ZC3H12B: variants seen among roughly 807,000 people sequenced by gnomAD.
ZC3H12B encodes probable ribonuclease ZC3H12B.
A neutral mutation model predicts 43.9 loss-of-function variants in ZC3H12B; 7 were observed. That is an observed-to-expected ratio of 0.16 (90% CI 0.09 to 0.30). The LOEUF (loss-of-function observed/expected upper bound fraction) is 0.30. ZC3H12B is among the 10% of genes least tolerant of loss of function. The probability of loss-of-function intolerance (pLI) is 1.00; values close to 1 mark genes in which losing one functional copy is unlikely to be tolerated. For synonymous variants in ZC3H12B, 222 were observed against 241.7 expected (o/e 0.92, Z 0.76); for missense variants, 475 against 670.2 (o/e 0.71, Z 3.22).
chrX:65,316,066 A>G, the ZC3H12B span, among the ~76,000 whole-genome samples: 1 of 111,902 alleles, frequency 8.9e-6, no homozygotes, highest in African/African-American at 3.2e-5. Context: ...AGCTGAGTAA[A>G]GAATCTCAGA....
chrX:65,221,346 G>A, the ZC3H12B span, among the ~76,000 whole-genome samples: 1 of 111,252 alleles, frequency 9.0e-6, no homozygotes, highest in African/African-American at 3.2e-5. Flanking sequence ...TAAGATTAGA[G>A]CCGAACTAAG....
chrX:65,451,172 A>G (rs1401259830), intron 3 of ZC3H12B, among the ~76,000 whole-genome samples: 1 of 110,124 alleles, frequency 9.1e-6, no homozygotes, highest in Admixed American at 9.8e-5. Context: ...CTGGTCTTGA[A>G]CTTCTGACCT....
chrX:65,169,417 G>C, the ZC3H12B span, among the ~76,000 whole-genome samples: 6 of 111,759 alleles, frequency 5.4e-5, no homozygotes, highest in Non-Finnish European at 1.1e-4. Context: ...TATAATTTCT[G>C]TTATTTTACA....
the ZC3H12B span, among the ~76,000 whole-genome samples, chrX:65,321,912 G>A: frequency 1.8e-5 from 2 of 110,689 alleles, no homozygotes; most frequent in Non-Finnish European, 3.8e-5. Context: ...AGGGAGGAAG[G>A]AGAGAGGTGA....
At chrX:65,207,385 G>T in the ZC3H12B span, among the ~76,000 whole-genome samples, 3 of 110,198 alleles carry the variant, frequency 2.7e-5, no homozygotes, top group Non-Finnish European at 3.8e-5. Context: ...ACTCTGAAAT[G>T]GAAAACCAAA....
the ZC3H12B span, among the ~76,000 whole-genome samples, chrX:65,190,200 G>A: frequency 1.4e-4 from 16 of 110,417 alleles, no homozygotes; most frequent in East Asian, 3.7e-3. Flanking sequence ...GGTTACTGTA[G>A]CCTTGTAGTA....
the ZC3H12B span, among the ~76,000 whole-genome samples, chrX:65,091,240 C>T: frequency 1.8e-5 from 2 of 111,802 alleles, no homozygotes; most frequent in Non-Finnish European, 3.8e-5. Flanking sequence ...AGATATGATA[C>T]TGATGGCTTT....
the ZC3H12B span, among the ~76,000 whole-genome samples, chrX:65,103,364 C>G: frequency 8.9e-6 from 1 of 111,888 alleles, no homozygotes; most frequent in African/African-American, 3.2e-5. Context: ...TGGTCAGCTC[C>G]CTTGTTTCCT....
At chrX:65,320,503 A>G in the ZC3H12B span, among the ~76,000 whole-genome samples, 1 of 112,092 alleles carries the variant, frequency 8.9e-6, no homozygotes, top group African/African-American at 3.2e-5. Context: ...TGCTATTCCA[A>G]TTAAACTTAC....
chrX:65,279,718 T>C, the ZC3H12B span, among the ~76,000 whole-genome samples: 1 of 112,046 alleles, frequency 8.9e-6, no homozygotes, highest in Non-Finnish European at 1.9e-5. Context: ...AAAATAGACA[T>C]GTGGAATCTA....
At chrX:65,353,182 T>C in the ZC3H12B span, among the ~76,000 whole-genome samples, 1 of 111,373 alleles carries the variant, frequency 9.0e-6, no homozygotes, top group Non-Finnish European at 1.9e-5. Flanking sequence ...GATATTACAA[T>C]TGCTATTGTT....
chrX:65,233,880 A>C, the ZC3H12B span, among the ~76,000 whole-genome samples: 1 of 111,757 alleles, frequency 8.9e-6, no homozygotes, highest in African/African-American at 3.3e-5. Context: ...GAGAGACAAA[A>C]AAAGAGACAT....
At chrX:65,279,256 A>T in the ZC3H12B span, among the ~76,000 whole-genome samples, 1 of 108,938 alleles carries the variant, frequency 9.2e-6, no homozygotes, top group Non-Finnish European at 1.9e-5. Context: ...CACTCTCACC[A>T]ATGGTGTGTA....
the ZC3H12B span, among the ~76,000 whole-genome samples, chrX:65,194,352 A>G: frequency 9.2e-6 from 1 of 109,127 alleles, no homozygotes; most frequent in Non-Finnish European, 1.9e-5. Context: ...TATGTAACTA[A>G]CCTGCACATT....
the ZC3H12B span, among the ~76,000 whole-genome samples, chrX:65,253,093 G>A: frequency 8.9e-6 from 1 of 111,982 alleles, no homozygotes; most frequent in Non-Finnish European, 1.9e-5. Flanking sequence ...ATTCTTGAGG[G>A]AAGTAGTCTG....
the ZC3H12B span, among the ~76,000 whole-genome samples, chrX:65,238,969 T>G: frequency 8.9e-6 from 1 of 111,853 alleles, no homozygotes; most frequent in South Asian, 3.7e-4. Context: ...ATGTCAGGGG[T>G]TTTTTTATTT....
intron 3 of ZC3H12B, among the ~76,000 whole-genome samples, chrX:65,435,198 G>T (rs1308817350): frequency 8.9e-6 from 1 of 111,780 alleles, no homozygotes; most frequent in Non-Finnish European, 1.9e-5. Context: ...TTATCCTTCA[G>T]GGCACACCTA....
chrX:65,074,951 T>C, the ZC3H12B span, among the ~76,000 whole-genome samples: 2 of 112,357 alleles, frequency 1.8e-5, no homozygotes, highest in African/African-American at 6.5e-5. Flanking sequence ...GGTCAGTTCC[T>C]GGAGACTTAT....
intron 2 of ZC3H12B, among the ~76,000 whole-genome samples, chrX:65,377,270 A>C (rs1037557815): frequency 4.5e-5 from 5 of 110,218 alleles, no homozygotes; most frequent in Non-Finnish European, 9.5e-5. Flanking sequence ...GAATATCTAG[A>C]AAACGGCCTC....
Sources: gnomAD v4.1 joint callset for allele counts (sites outside exome capture counted in the v4.1 genomes callset) on GRCh38, gnomAD v4.1.1 for gene constraint, MANE v1.5 for transcripts, NCBI Gene and HGNC (gene_info 2026-07-23, HGNC 2026-07-21) for gene names.